The following FOLH1 variants were observed in gnomAD, a reference collection of about 807,000 sequenced individuals.
FOLH1 encodes folate hydrolase 1.
Under a neutral mutation model 93.9 loss-of-function variants are expected in FOLH1, and 54 were observed. The ratio of observed to expected loss-of-function variants is 0.57; its 90% CI spans 0.46 to 0.72. FOLH1 has a LOEUF of 0.72. Ranked by LOEUF, FOLH1 falls within the 30% of genes least tolerant of loss-of-function variation. The probability of loss-of-function intolerance (pLI) is 0.00; values close to 1 mark genes in which losing one functional copy is unlikely to be tolerated. For synonymous variants in FOLH1, 249 were observed against 303.6 expected (o/e 0.82, Z 1.87); for missense variants, 571 against 892.5 (o/e 0.64, Z 4.59).
chr11:49,205,106 A>G (rs1863748996), intron 2 of FOLH1, among the ~76,000 whole-genome samples: 1 of 152,052 alleles, frequency 6.6e-6, no homozygotes, highest in Non-Finnish European at 1.5e-5. Flanking sequence ...GGTACTCAGG[A>G]GGCATGAGAA....
chr11:49,203,823 C>T (rs765782982), intron 2 of FOLH1, among the ~76,000 whole-genome samples: 3 of 152,154 alleles, frequency 2.0e-5, no homozygotes, highest in Non-Finnish European at 4.4e-5. Context: ...CAGGAGGGGG[C>T]TCTCCCCCCA....
chr11:49,181,448 A>C (rs182634270), intron 7 of FOLH1, among the ~76,000 whole-genome samples: 1,536 of 151,994 alleles, frequency 0.01, 24 homozygotes, highest in African/African-American at 0.035. Context: ...ATAATACTAT[A>C]TATATATAGT....
At chr11:49,160,359 T>C (rs1279474909) in intron 13 of FOLH1, among the ~76,000 whole-genome samples, 3 of 152,176 alleles carry the variant, frequency 2.0e-5, no homozygotes, top group South Asian at 4.1e-4. Context: ...CTTTGTGTCT[T>C]TTGCTAGCTT....
At chr11:49,183,329 T>C (rs1565185727) in intron 6 of FOLH1, 87 bp from the exon 7 acceptor site, 1 of 986,342 alleles carries the variant, frequency 1.0e-6, no homozygotes, top group African/African-American at 1.6e-5. Context: ...CATTCTAATT[T>C]CACATTTGCT....
chr11:49,153,346 T>A (rs1856670219), intron 17 of FOLH1, among the ~76,000 whole-genome samples: 1 of 151,400 alleles, frequency 6.6e-6, no homozygotes, highest in African/African-American at 2.4e-5. Context: ...AGGAGCTCTA[T>A]GTGGAGGTAA....
intron 3 of FOLH1, among the ~76,000 whole-genome samples, chr11:49,197,540 A>G (rs1401655036): frequency 6.6e-6 from 1 of 152,228 alleles, no homozygotes; most frequent in Non-Finnish European, 1.5e-5. Context: ...AGGTGAAACA[A>G]TGTCTCTGTA....
At chr11:49,162,450 A>G (rs1008693488) in intron 13 of FOLH1, among the ~76,000 whole-genome samples, 1 of 152,016 alleles carries the variant, frequency 6.6e-6, no homozygotes, top group Non-Finnish European at 1.5e-5. Context: ...TTTCAGCTCT[A>G]TTCTTCTCTA....
chr11:49,205,420 A>G (rs1329125755), intron 2 of FOLH1, among the ~76,000 whole-genome samples: 1 of 152,210 alleles, frequency 6.6e-6, no homozygotes, highest in Non-Finnish European at 1.5e-5. Context: ...GACTTCATCC[A>G]TATCATAATA....
intron 17 of FOLH1, among the ~76,000 whole-genome samples, chr11:49,151,662 A>G (rs1264662942): frequency 6.6e-6 from 1 of 152,206 alleles, no homozygotes; most frequent in East Asian, 1.9e-4. Context: ...TAGGGAACAG[A>G]GTGTATCTTT....
At chr11:49,195,031 T>C (rs1444163695) in intron 3 of FOLH1, among the ~76,000 whole-genome samples, 1 of 152,076 alleles carries the variant, frequency 6.6e-6, no homozygotes, top group Non-Finnish European at 1.5e-5. Context: ...TTAAGGATAA[T>C]GGAGATTTCA....
chr11:49,184,261 G>C (rs1293214896), intron 6 of FOLH1, among the ~76,000 whole-genome samples: 1 of 152,080 alleles, frequency 6.6e-6, no homozygotes, highest in African/African-American at 2.4e-5. Flanking sequence ...GTTGATGACT[G>C]TCTCTACTTT....
intron 15 of FOLH1, among the ~76,000 whole-genome samples, chr11:49,156,058 A>T (rs1857003454): frequency 6.6e-6 from 1 of 151,746 alleles, no homozygotes; most frequent in Non-Finnish European, 1.5e-5. Context: ...ATGGTTTTAT[A>T]AAGGGAAGTT....
chr11:49,180,459 A>T (rs1565179574), intron 7 of FOLH1, among the ~76,000 whole-genome samples: 1 of 152,158 alleles, frequency 6.6e-6, no homozygotes, highest in East Asian at 1.9e-4. Context: ...AACATCACTC[A>T]CATTTCATCA....
intron 13 of FOLH1, among the ~76,000 whole-genome samples, chr11:49,164,418 T>C (rs1260625310): frequency 6.6e-6 from 1 of 152,212 alleles, no homozygotes; most frequent in Non-Finnish European, 1.5e-5. Context: ...GTACAAGTTG[T>C]GTGTGACTTT....
intron 13 of FOLH1, among the ~76,000 whole-genome samples, chr11:49,163,973 G>T (rs1162112026): frequency 1.3e-5 from 2 of 152,090 alleles, no homozygotes; most frequent in Non-Finnish European, 2.9e-5. Context: ...GTGGGCCATC[G>T]TCCTGCCTTG....
At chr11:49,206,341 G>A (rs1395316482) in intron 1 of FOLH1, 169 bp from the exon 2 acceptor site, 1 of 1,087,066 alleles carries the variant, frequency 9.2e-7, no homozygotes, top group East Asian at 2.7e-5. Flanking sequence ...CACTGAAAAA[G>A]AGTCATGCAA....
rs762446555 is a variant in FOLH1 at position 49,171,177 on chromosome 11, A to G, written c.1308+18T>C. 3.9e-6 allele frequency: 6 copies of G among 1,558,032 alleles called. No homozygotes were observed. The highest frequency in any genetic ancestry group is 5.2e-6 in the Non-Finnish European group (6 of 1,154,294). On this transcript the variant is annotated intron_variant, in intron 11 of 18. Coordinates refer to ENST00000256999, the MANE Select transcript of FOLH1 (RefSeq NM_004476.3). Reference sequence around the variant, plus strand: ...TTTATTTTATAAAAATTTATATTATAGCAAATTACCAACTAACCTCTGCCC... The same window carrying G: ...TTTATTTTATAAAAATTTATATTATGGCAAATTACCAACTAACCTCTGCCC...
chr11:49,206,454 G>T, intron 1 of FOLH1: 2 of 630,030 alleles, frequency 3.2e-6, no homozygotes, highest in Non-Finnish European at 5.4e-6. Context: ...TAATCAGGAC[G>T]AAAATAAAAT....
At chr11:49,189,720 T>TA (rs1861815760) in intron 4 of FOLH1, among the ~76,000 whole-genome samples, 2 of 152,198 alleles carry the variant, frequency 1.3e-5, no homozygotes, top group Admixed American at 1.3e-4. Flanking sequence ...CATCTTAAGT[T>TA]GGGGGTTTCC....
Sources: allele counts gnomAD v4.1 joint callset (sites outside exome capture counted in the v4.1 genomes callset), GRCh38; gene constraint gnomAD v4.1.1; transcripts MANE v1.5; gene names NCBI Gene and HGNC (gene_info 2026-07-23, HGNC 2026-07-21).